TIAM1: variants seen among roughly 807,000 people sequenced by gnomAD.
TIAM1 encodes rho guanine nucleotide exchange factor TIAM1.
TIAM1 carries 65 observed loss-of-function variants against 163.5 expected under a neutral mutation model. The observed-to-expected ratio is 0.40, with a 90% CI of 0.33 to 0.49. The LOEUF (loss-of-function observed/expected upper bound fraction) is 0.49. Ranked by LOEUF, TIAM1 falls within the 20% of genes least tolerant of loss-of-function variation. The probability of loss-of-function intolerance (pLI) is 0.77; values close to 1 mark genes in which losing one functional copy is unlikely to be tolerated. For synonymous variants in TIAM1, 833 were observed against 810.1 expected, an observed-to-expected ratio of 1.03 and a Z score of -0.48; for missense variants, 1,789 against 2,044.7, an observed-to-expected ratio of 0.87 and a Z score of 2.41.
intron 6 of TIAM1, among the ~76,000 whole-genome samples, chr21:31,240,176 C>T (rs147471247): frequency 3.3e-5 from 5 of 152,168 alleles, no homozygotes; most frequent in East Asian, 1.9e-4. Flanking sequence ...CGTCTACTCT[C>T]GAAAGTGTCC....
At chr21:31,148,401 C>T (rs1032975527) in intron 19 of TIAM1, among the ~76,000 whole-genome samples, 2 of 152,110 alleles carry the variant, frequency 1.3e-5, no homozygotes, top group African/African-American at 4.8e-5. Flanking sequence ...TCTTGCCTGC[C>T]GCCATGTAAG....
chr21:31,414,521 C>G (rs533749335), intron 2 of TIAM1, among the ~76,000 whole-genome samples: 235 of 152,224 alleles, frequency 1.5e-3, no homozygotes, highest in African/African-American at 5.3e-3. Flanking sequence ...TCTATGTGTC[C>G]AGTGAACAAT....
chr21:31,157,249 T>C (rs142750958), intron 16 of TIAM1, among the ~76,000 whole-genome samples: 14 of 152,260 alleles, frequency 9.2e-5, no homozygotes, highest in Middle Eastern at 3.4e-3. Flanking sequence ...TTAAGAGAAC[T>C]ATTTACCCAG....
At chr21:31,558,017 G>A (rs966093097) in intron 1 of TIAM1, among the ~76,000 whole-genome samples, 20 of 152,128 alleles carry the variant, frequency 1.3e-4, no homozygotes, top group Non-Finnish European at 2.9e-5. Flanking sequence ...CCGGGGGGAG[G>A]GGGCGTCACC....
intron 2 of TIAM1, among the ~76,000 whole-genome samples, chr21:31,286,944 G>GA (rs377418723): frequency 3.2e-3 from 476 of 147,006 alleles, no homozygotes; most frequent in Middle Eastern, 0.017. Context: ...TTTTAAAATG[G>GA]AAAAAAAAAA....
chr21:31,217,577 C>T lies in TIAM1; in HGVS notation c.2118G>A (p.Lys706=). 6.2e-7 allele frequency: 1 copy of T among 1,613,894 alleles called. No individual in the cohort carries two copies. The highest frequency in any genetic ancestry group is 8.5e-7 in the Non-Finnish European group (1 of 1,179,878). The change falls in exon 9 of 28, where the codon AAG becomes AAA. Residue 706 remains lysine (K), a synonymous_variant. Coordinates refer to ENST00000541036, the MANE Select transcript of TIAM1 (RefSeq NM_001353694.2). The part of the protein sequence containing the change: ...LWGLDTTSKK[K]QGRPSINQVF... ...CCTGATTGATGCTTGGCCGTCCCTG[C>T]TTCTTTTTGGAGGTAGTATCCAGAC...
At chr21:31,224,627 G>C (rs900236473) in intron 7 of TIAM1, among the ~76,000 whole-genome samples, 2 of 152,228 alleles carry the variant, frequency 1.3e-5, no homozygotes, top group African/African-American at 4.8e-5. Context: ...TTCAGGGCTA[G>C]ATGGGGGAGT....
chr21:31,371,548 G>A (rs8133917), intron 2 of TIAM1, among the ~76,000 whole-genome samples: 9,497 of 152,212 alleles, frequency 0.062, 1,015 homozygotes, highest in African/African-American at 0.21. Context: ...TCCCTGCAAA[G>A]TACTTTTCCA....
chr21:31,419,089 G>T (rs2043475329), intron 2 of TIAM1, among the ~76,000 whole-genome samples: 1 of 152,114 alleles, frequency 6.6e-6, no homozygotes, highest in South Asian at 2.1e-4. Flanking sequence ...AATCAACTCA[G>T]CCTGAGACCC....
chr21:31,363,897 G>T (rs773933062), intron 2 of TIAM1, among the ~76,000 whole-genome samples: 10 of 152,206 alleles, frequency 6.6e-5, no homozygotes, highest in East Asian at 1.9e-4. Context: ...AGGAAAAAAA[G>T]GGGGAGGGGG....
intron 2 of TIAM1, among the ~76,000 whole-genome samples, chr21:31,324,768 A>T (rs552783241): frequency 6.6e-6 from 1 of 152,332 alleles, no homozygotes; most frequent in East Asian, 1.9e-4. Flanking sequence ...TTCAGGCTGG[A>T]GACAAAGATT....
At chr21:31,431,184 C>G (rs2044015173) in intron 2 of TIAM1, among the ~76,000 whole-genome samples, 3 of 152,152 alleles carry the variant, frequency 2.0e-5, no homozygotes, top group Admixed American at 6.6e-5. Flanking sequence ...GAACTTGGCT[C>G]ATCTGAAGAC....
At chr21:31,429,660 C>T (rs1220002775) in intron 2 of TIAM1, among the ~76,000 whole-genome samples, 10 of 152,096 alleles carry the variant, frequency 6.6e-5, no homozygotes, top group Non-Finnish European at 1.0e-4. Context: ...CAGAGTTAGG[C>T]GTGGGCGCAC....
intron 2 of TIAM1, among the ~76,000 whole-genome samples, chr21:31,279,675 C>A (rs1477887326): frequency 1.3e-5 from 2 of 152,146 alleles, no homozygotes; most frequent in Middle Eastern, 3.2e-3. Context: ...TAAATGAGAT[C>A]ATCTATGTTA....
intron 1 of TIAM1, among the ~76,000 whole-genome samples, chr21:31,528,148 C>CCG (rs2047848913): frequency 6.6e-6 from 1 of 152,050 alleles, no homozygotes; most frequent in African/African-American, 2.4e-5. Flanking sequence ...AGGGGGGATG[C>CCG]CGATCAATGA....
chr21:31,483,816 A>C lies in TIAM1; in HGVS notation c.-421-19781T>G, dbSNP rs148946756. 2.7e-3 allele frequency among the ~76,000 whole-genome samples: 405 copies of C among 152,098 alleles called. 1 individual carries two copies. Among genetic ancestry groups the C allele is most frequent in the African/African-American group, 9.5e-3 (393 of 41,498 alleles). On this transcript the variant is annotated intron_variant, in intron 1 of 28. Coordinates refer to the TIAM1 transcript ENST00000286827. Reference sequence around the variant, plus strand: ...GTGGGAAAGTAAGGTCCAATATAAGAAACTCCCAAGCAGATCCAAGGCAGC... The same window carrying C: ...GTGGGAAAGTAAGGTCCAATATAAGCAACTCCCAAGCAGATCCAAGGCAGC...
intron 2 of TIAM1, among the ~76,000 whole-genome samples, chr21:31,396,458 C>T (rs1400244198): frequency 6.6e-6 from 1 of 152,008 alleles, no homozygotes; most frequent in African/African-American, 2.4e-5. Flanking sequence ...TACCTATCAC[C>T]CCCTCCATGT....
At chr21:31,463,773 G>C (rs1466436588) in intron 2 of TIAM1, among the ~76,000 whole-genome samples, 1 of 149,334 alleles carries the variant, frequency 6.7e-6, no homozygotes, top group Non-Finnish European at 1.5e-5. Context: ...AGCCAAGATA[G>C]CGCCATTGCA....
chr21:31,289,154 C>T (rs1030763899), intron 2 of TIAM1, among the ~76,000 whole-genome samples: 1 of 152,184 alleles, frequency 6.6e-6, no homozygotes, highest in Admixed American at 6.5e-5. Context: ...AATAAGAAGT[C>T]AATAGCTTTG....
Sources: gnomAD v4.1 joint callset for allele counts (sites outside exome capture counted in the v4.1 genomes callset) on GRCh38, gnomAD v4.1.1 for gene constraint, MANE v1.5 for transcripts, NCBI Gene and HGNC (gene_info 2026-07-23, HGNC 2026-07-21) for gene names.